Variants in ATF7IP observed in about 807,000 individuals in gnomAD.
ATF7IP encodes the protein activating transcription factor 7 interacting protein, also known as activating transcription factor 7-interacting protein 1.
In ATF7IP, 23 loss-of-function variants were observed where a neutral mutation model predicts 106.4. The observed-to-expected ratio is 0.22, with a 90% confidence interval of 0.16 to 0.31. The LOEUF is 0.31. Among genes scored for constraint, ATF7IP ranks in the 10% least tolerant of loss-of-function variants. The pLI is 1.00. For missense variants in ATF7IP, 1,334 were observed against 1,524.3 expected, an observed-to-expected ratio of 0.88 and a Z score of 2.08; for synonymous variants, 542 against 539.0, an observed-to-expected ratio of 1.01 and a Z score of -0.08.
intron 2 of ATF7IP, among the ~76,000 whole-genome samples, chr12:14,429,382 A>G (rs1461836001): frequency 6.6e-6 from 1 of 152,060 alleles, no homozygotes; most frequent in East Asian, 1.9e-4. Context: ...TTGTGGAAAA[A>G]TAGGGATAGG....
intron 5 of ATF7IP, among the ~76,000 whole-genome samples, chr12:14,440,780 C>T (rs920463792): frequency 2.0e-5 from 3 of 152,224 alleles, no homozygotes; most frequent in African/African-American, 7.2e-5. Context: ...TTCTTTTCCT[C>T]TTACACTAGC....
At chr12:14,399,685 T>G (rs543890664) in intron 1 of ATF7IP, among the ~76,000 whole-genome samples, 44 of 152,138 alleles carry the variant, frequency 2.9e-4, no homozygotes, top group Non-Finnish European at 5.0e-4. Context: ...TCTTATGTGT[T>G]TGTTTGTTCT....
intron 1 of ATF7IP, among the ~76,000 whole-genome samples, chr12:14,395,891 C>A (rs7968468): frequency 1 from 152,068 of 152,280 alleles, 75,929 homozygotes; most frequent in Middle Eastern, 1. Context: ...CACTAAATTT[C>A]ATATTTCTTA....
chr12:14,495,532 A>G (rs1486265733), intron 13 of ATF7IP, among the ~76,000 whole-genome samples: 2 of 152,350 alleles, frequency 1.3e-5, no homozygotes, highest in East Asian at 3.9e-4. Context: ...AGGCCGAACT[A>G]CAGCATGGGC....
At chr12:14,432,383 T>C (rs1942184303) in intron 2 of ATF7IP, among the ~76,000 whole-genome samples, 2 of 152,200 alleles carry the variant, frequency 1.3e-5, no homozygotes, top group Admixed American at 1.3e-4. Flanking sequence ...AAAAATGTAT[T>C]TTAATGAGTT....
chr12:14,501,694 C>T lies in ATF7IP; in HGVS notation c.*3621C>T, dbSNP rs995098776. 1 of 152,128 alleles carries T rather than the reference C, an allele frequency of 6.6e-6. No homozygotes were observed. Among genetic ancestry groups the T allele is most frequent in the Non-Finnish European group, 1.5e-5 (1 of 68,014 alleles). The allele number at this position is 152,128 out of a possible 1,614,324, so 9.4% of individuals were successfully genotyped here. ...GCCTCACAGAGAGGTGTTCCCCACT[C>T]CCATCCCCATTGCCAGATAATAAAT... is the stretch of plus-strand genomic sequence containing the variant. On this transcript the variant is annotated 3_prime_UTR_variant, in exon 15 of 15. Coordinates refer to ENST00000261168, the MANE Select transcript of ATF7IP (RefSeq NM_018179.5).
At chr12:14,392,558 G>A (rs927140321) in intron 1 of ATF7IP, among the ~76,000 whole-genome samples, 2 of 152,210 alleles carry the variant, frequency 1.3e-5, no homozygotes, top group Admixed American at 1.3e-4. Context: ...ACTGTTTGAT[G>A]CTTGGCATAT....
chr12:14,475,858 T>C, intron 10 of ATF7IP, 32 bp from the exon 11 acceptor site: 1 of 1,576,308 alleles, frequency 6.3e-7, no homozygotes, highest in African/African-American at 1.4e-5. Context: ...GCCAGAGTTT[T>C]CTTTGTAAAA....
rs755681806 is a variant in ATF7IP at position 14,457,241 on chromosome 12, A to G, written c.2104A>G (p.Lys702Glu). 3 of 1,613,844 alleles carry G rather than the reference A, an allele frequency of 1.9e-6. No homozygotes were observed. The highest frequency in any genetic ancestry group is 1.7e-6 in the Non-Finnish European group (2 of 1,179,886). The change falls in exon 8 of 15, where the codon AAA (lysine) becomes GAA (glutamate). Residue 702 changes from lysine (K) to glutamate (E), a missense_variant. By Grantham distance (56) the Lys-to-Glu change is moderately conservative. Transcript: ENST00000261168. ...AGTVRQMLES[K>E]RNVSESAPPS... ...CACAGTGAGACAGATGCTGGAGTCC[A>G]AAAGAAATGTAAGCGAGAGTGCACC...
chr12:14,456,388 A>G (rs1259940755), intron 6 of ATF7IP, among the ~76,000 whole-genome samples, 173 bp from the exon 7 acceptor site: 1 of 152,224 alleles, frequency 6.6e-6, no homozygotes, highest in South Asian at 2.1e-4. Flanking sequence ...TTAAGATACA[A>G]TGAACAAGTG....
At chr12:14,390,876 C>T (rs935544416) in intron 1 of ATF7IP, among the ~76,000 whole-genome samples, 5 of 152,196 alleles carry the variant, frequency 3.3e-5, no homozygotes, top group Non-Finnish European at 7.3e-5. Context: ...CCACATTTCC[C>T]AGAGTGAAAG....
intron 1 of ATF7IP, among the ~76,000 whole-genome samples, chr12:14,372,265 A>T (rs368448017): frequency 6.6e-6 from 1 of 152,104 alleles, no homozygotes; most frequent in Non-Finnish European, 1.5e-5. Flanking sequence ...CTTTTTATAG[A>T]TGATTCAGCT....
Position 14,500,747 on chromosome 12 carries a change from A to G in ATF7IP, c.*2674A>G, listed in dbSNP as rs1244831887. ...CTAATCTTTTTTAAAAAAAGCTTTCATAGCATTATATAATCAGATGAAGAA... is the reference window on the plus strand; with the variant it reads ...CTAATCTTTTTTAAAAAAAGCTTTCGTAGCATTATATAATCAGATGAAGAA... On this transcript the variant is annotated 3_prime_UTR_variant, in exon 15 of 15. Coordinates refer to ENST00000261168, the MANE Select transcript of ATF7IP (RefSeq NM_018179.5). 1.3e-5 allele frequency: 2 copies of G among 152,296 alleles called. No homozygotes were observed. The highest frequency in any genetic ancestry group is 3.9e-4 in the East Asian group (2 of 5,192). The allele number at this position is 152,296 out of a possible 1,614,324, so 9.4% of individuals were successfully genotyped here. A position where few individuals can be genotyped will look rare whatever the true frequency, so the allele number is the denominator to read the frequency against.
intron 5 of ATF7IP, among the ~76,000 whole-genome samples, chr12:14,444,957 T>C (rs1277858838): frequency 2.6e-5 from 4 of 151,740 alleles, no homozygotes; most frequent in Non-Finnish European, 5.9e-5. Context: ...AATAATATTA[T>C]GCATACTATG....
At chr12:14,381,262 C>CA (rs1397789216) in intron 1 of ATF7IP, among the ~76,000 whole-genome samples, 2 of 152,152 alleles carry the variant, frequency 1.3e-5, no homozygotes, top group Non-Finnish European at 2.9e-5. Context: ...GACAGAGTCT[C>CA]ATTCGGTCGC....
intron 6 of ATF7IP, among the ~76,000 whole-genome samples, chr12:14,454,787 C>T (rs7298685): frequency 6.6e-6 from 1 of 152,096 alleles, no homozygotes; most frequent in South Asian, 2.1e-4. Flanking sequence ...CATCAAATGA[C>T]TCCTGTGTTC....
At chr12:14,400,208 A>G (rs1940113823) in intron 1 of ATF7IP, among the ~76,000 whole-genome samples, 1 of 152,216 alleles carries the variant, frequency 6.6e-6, no homozygotes, top group African/African-American at 2.4e-5. Flanking sequence ...ACTTTTAACT[A>G]GTTTGACATT....
chr12:14,479,672 AG>A (rs201169093), intron 12 of ATF7IP, among the ~76,000 whole-genome samples: 2,514 of 152,250 alleles, frequency 0.017, 32 homozygotes, highest in East Asian at 0.026. Flanking sequence ...GGGACTGTTT[AG>A]ATTTGTTGAA....
chr12:14,427,629 G>A (rs1290886431), intron 2 of ATF7IP, among the ~76,000 whole-genome samples: 1 of 152,188 alleles, frequency 6.6e-6, no homozygotes, highest in African/African-American at 2.4e-5. Context: ...CTCCCAAAGT[G>A]CTGGGATTAC....
Sources: gnomAD v4.1 joint callset for allele counts (sites outside exome capture counted in the v4.1 genomes callset) on GRCh38, gnomAD v4.1.1 for gene constraint, MANE v1.5 for transcripts, NCBI Gene and HGNC (gene_info 2026-07-23, HGNC 2026-07-21) for gene names.